Variants in AKAP1 observed in about 807,000 individuals in gnomAD.
AKAP1 encodes A-kinase anchoring protein 1.
Under a neutral mutation model 79.8 loss-of-function variants are expected in AKAP1, and 32 were observed. The observed-to-expected ratio is 0.40, with a 90% CI of 0.30 to 0.54. The LOEUF is 0.54. Among genes scored for constraint, AKAP1 ranks in the 20% least tolerant of loss-of-function variants. The pLI, the probability that AKAP1 is intolerant of heterozygous loss-of-function variation, is 0.47. For missense variants in AKAP1, 961 were observed against 1,138.9 expected, an observed-to-expected ratio of 0.84 and a Z score of 2.25; for synonymous variants, 416 against 466.7, an observed-to-expected ratio of 0.89 and a Z score of 1.40.
chr17:57,114,356 C>G (rs528483152), intron 5 of AKAP1, 103 bp from the exon 6 acceptor site: 209 of 1,436,182 alleles, frequency 1.5e-4, no homozygotes, highest in Non-Finnish European at 1.2e-4. Context: ...TTGCCCTTTT[C>G]AAAGATATGC....
chr17:57,119,971 G>A (rs1915830559), intron 10 of AKAP1, among the ~76,000 whole-genome samples: 1 of 151,298 alleles, frequency 6.6e-6, no homozygotes. Context: ...GATTACAGGT[G>A]CCTGCCACCA....
chr17:57,112,608 T>A lies in AKAP1; in HGVS notation c.2093T>A (p.Met698Lys). ...LPSLALPSLP[M>K]TSWLMLPDGI... ...TCACTGGCACTGCCTTCTCTGCCGA[T>A]GACATCCTGGGTGAGCGTGCTACTG... is the stretch of plus-strand genomic sequence containing the variant. Residue 698 changes from methionine to lysine, a missense_variant, in exon 5 of 11, where the codon ATG becomes AAG. Met to Lys is a moderately conservative substitution (Grantham distance 95, BLOSUM62 -1). Coordinates refer to ENST00000337714, the MANE Select transcript of AKAP1 (RefSeq NM_003488.4). The A allele has an allele frequency of 6.2e-7, 1 of 1,613,122 alleles. No homozygotes were observed. The highest frequency in any genetic ancestry group is 8.5e-7 in the Non-Finnish European group (1 of 1,179,480).
At position 57,086,482 on chromosome 17, in the gene AKAP1, T is replaced by TG; in HGVS notation, c.-25+1087dup. On this transcript the variant is annotated intron_variant, in intron 1 of 10. Coordinates refer to ENST00000337714, the MANE Select transcript of AKAP1 (RefSeq NM_003488.4). This position sits in a 1 kb window ranked among gnomAD's most constrained non-coding sequence, Gnocchi z 5.1. The stretch of plus-strand genomic sequence containing the variant: ...GATCTTCCTCTCCTGGGGGATGTCC[T>TG]GGGTGGCGGCGCCTTCCTGCCGCCG... 2.2e-6 allele frequency: 1 copy of TG among 453,030 alleles called. No homozygotes were observed. The highest frequency in any genetic ancestry group is 2.4e-5 in the Admixed American group (1 of 41,430). The allele number at this position is 453,030 out of a possible 1,614,324, so 28.1% of individuals were successfully genotyped here. A position where few individuals can be genotyped will look rare whatever the true frequency, so the allele number is the denominator to read the frequency against.
intron 10 of AKAP1, among the ~76,000 whole-genome samples, chr17:57,119,631 C>A (rs1365056629): frequency 6.6e-6 from 1 of 151,886 alleles, no homozygotes; most frequent in East Asian, 2.0e-4. Context: ...AGGAGAATCA[C>A]TTGAACCTGG....
chr17:57,120,530 G>T lies in AKAP1; in HGVS notation c.*206G>T. On this transcript the variant is annotated 3_prime_UTR_variant, in exon 11 of 11. Coordinates refer to ENST00000337714, the MANE Select transcript of AKAP1 (RefSeq NM_003488.4). ...TCTCTTCGCAAAGCCAAAGGATAGTGTTTAACAAGCCAGCTGGCTTATGCT... is the reference window on the plus strand; with the variant it reads ...TCTCTTCGCAAAGCCAAAGGATAGTTTTTAACAAGCCAGCTGGCTTATGCT... The T allele has an allele frequency of 1.1e-4, 40 of 366,856 alleles. No homozygotes were observed. The highest frequency in any genetic ancestry group is 1.3e-4 in the Non-Finnish European group (27 of 203,938). 22.7% of individuals were successfully genotyped at this position (366,856 alleles called of 1,614,324 possible). A position where few individuals can be genotyped will look rare whatever the true frequency, so the allele number is the denominator to read the frequency against.
chr17:57,113,471 C>A (rs1207293115), intron 5 of AKAP1, among the ~76,000 whole-genome samples: 3 of 151,496 alleles, frequency 2.0e-5, no homozygotes, highest in African/African-American at 7.3e-5. Flanking sequence ...GGCCCTTGGG[C>A]TGGAGGGAAA....
At chr17:57,112,339 T>G in intron 4 of AKAP1, 152 bp from the exon 5 acceptor site, 1 of 900,596 alleles carries the variant, frequency 1.1e-6, no homozygotes, top group Non-Finnish European at 1.7e-6. Flanking sequence ...CCTTTCTTCC[T>G]AAAGCAGAGC....
At chr17:57,117,076 G>T in intron 8 of AKAP1, 149 bp downstream of exon 8, 3 of 819,224 alleles carry the variant, frequency 3.7e-6, no homozygotes. Context: ...TCTGGGCTTA[G>T]GCCCAGGAAC....
intron 5 of AKAP1, among the ~76,000 whole-genome samples, chr17:57,113,985 C>T (rs1281783539): frequency 6.6e-6 from 1 of 152,126 alleles, no homozygotes; most frequent in Non-Finnish European, 1.5e-5. Flanking sequence ...TGCCAGTCCA[C>T]AGGAGTTGGC....
chr17:57,109,298 C>T (rs1029552617), intron 2 of AKAP1, among the ~76,000 whole-genome samples: 6 of 152,170 alleles, frequency 3.9e-5, no homozygotes, highest in African/African-American at 1.2e-4. Flanking sequence ...CAGCCCAGGT[C>T]GGGAGCAGAG....
chr17:57,112,476 C>G lies in AKAP1; in HGVS notation c.1976-15C>G, dbSNP rs117349326. 2 of 1,611,608 alleles carry G rather than the reference C, an allele frequency of 1.2e-6. No homozygotes were observed. The highest frequency in any genetic ancestry group is 1.7e-6 in the Non-Finnish European group (2 of 1,178,816). ...CTTACAGTGATTGTATGTCCTGCCC[C>G]CATCCGCTATTTAGGCTCTCAACAT... On this transcript the variant is annotated splice_polypyrimidine_tract_variant and intron_variant, in intron 4 of 10. Transcript: ENST00000337714.
At chr17:57,116,039 G>C in intron 6 of AKAP1, 72 bp from the exon 7 acceptor site, 1 of 1,556,500 alleles carries the variant, frequency 6.4e-7, no homozygotes, top group Non-Finnish European at 8.7e-7. Context: ...AGGGAGGTGG[G>C]TAGTGGCCAG....
chr17:57,095,618 A>T (rs751123222), intron 1 of AKAP1: 1 of 151,776 alleles, frequency 6.6e-6, no homozygotes, highest in East Asian at 1.9e-4. Flanking sequence ...ATTACCTTCT[A>T]TGCTTTTATG....
intron 2 of AKAP1, among the ~76,000 whole-genome samples, 200 bp from the exon 3 acceptor site, chr17:57,109,825 A>T (rs1915124235): frequency 6.6e-6 from 1 of 152,208 alleles, no homozygotes; most frequent in African/African-American, 2.4e-5. Context: ...GGCTAAAATT[A>T]GGTGTATCGA....
intron 2 of AKAP1, chr17:57,108,081 C>A: frequency 8.8e-7 from 1 of 1,133,368 alleles, no homozygotes; most frequent in Non-Finnish European, 1.1e-6. Flanking sequence ...TCTGCAGGCA[C>A]CCTGGGGTGT....
chr17:57,112,205 T>C (rs1339759291), intron 4 of AKAP1, among the ~76,000 whole-genome samples: 1 of 152,104 alleles, frequency 6.6e-6, no homozygotes, highest in Non-Finnish European at 1.5e-5. Flanking sequence ...CCATAAAGGC[T>C]TCTCTCAAAG....
chr17:57,094,895 C>G (rs1024573616), intron 1 of AKAP1: 4 of 152,150 alleles, frequency 2.6e-5, no homozygotes, highest in African/African-American at 9.7e-5. Flanking sequence ...CAGGTGTGAG[C>G]CATCGTGCCT....
Position 57,105,981 on chromosome 17 carries a change from A to G in AKAP1, c.517A>G (p.Arg173Gly), listed in dbSNP as rs770712339. Residue 173 changes from arginine to glycine, a missense_variant, in exon 2 of 11, where the codon AGG becomes GGG. Around this residue, in one of 3 missense-constraint regions of AKAP1, gnomAD observed 224 missense variants for 210.2 expected, o/e 1.07. Coordinates refer to ENST00000337714, the MANE Select transcript of AKAP1 (RefSeq NM_003488.4). ...EVCKQDSPFS[R>G]VPRKVQPGYP... ...GTGTAAGCAAGATTCCCCCTTCAGC[A>G]GGGTGCCAAGGAAGGTCCAGCCAGG... The G allele has an allele frequency of 6.2e-7, 1 of 1,614,204 alleles. No homozygotes were observed. Among genetic ancestry groups the G allele is most frequent in the Non-Finnish European group, 8.5e-7 (1 of 1,180,038 alleles).
At chr17:57,087,597 G>C (rs1231723904) in intron 1 of AKAP1, among the ~76,000 whole-genome samples, 1 of 152,148 alleles carries the variant, frequency 6.6e-6, no homozygotes, top group East Asian at 1.9e-4. Context: ...TTGTGATACT[G>C]GGGACTGTGA....
Sources: allele counts gnomAD v4.1 joint callset (sites outside exome capture counted in the v4.1 genomes callset), GRCh38; gene constraint gnomAD v4.1.1; regional missense constraint gnomAD v4.1.1; non-coding constraint Gnocchi (gnomAD v3.1); transcripts MANE v1.5; gene names NCBI Gene and HGNC (gene_info 2026-07-23, HGNC 2026-07-21).